RNGTT: variants seen among roughly 807,000 people sequenced by gnomAD.
RNGTT encodes the protein mRNA-capping enzyme.
In RNGTT, 33 loss-of-function variants were observed where a neutral mutation model predicts 79.3. The observed-to-expected ratio is 0.42, with a 90% confidence interval of 0.32 to 0.56. The LOEUF (loss-of-function observed/expected upper bound fraction) is 0.56, where lower values mean the gene tolerates loss of function less well. RNGTT is among the 20% of genes least tolerant of loss of function. RNGTT has a pLI of 0.17. For missense variants in RNGTT, 497 were observed against 739.1 expected (o/e 0.67, Z 3.80); for synonymous variants, 222 against 235.9 (o/e 0.94, Z 0.54).
At chr6:88,779,554 TTC>T (rs1378016645) in intron 12 of RNGTT, among the ~76,000 whole-genome samples, 4 of 152,208 alleles carry the variant, frequency 2.6e-5, no homozygotes, top group Non-Finnish European at 5.9e-5. Flanking sequence ...GTATCAACTC[TTC>T]TGTTTTTACA....
At chr6:88,791,634 G>A (rs1156869086) in intron 12 of RNGTT, among the ~76,000 whole-genome samples, 1 of 152,022 alleles carries the variant, frequency 6.6e-6, no homozygotes, top group East Asian at 1.9e-4. Context: ...CCGCCTCCTG[G>A]GTTAACGCCA....
At chr6:88,827,945 G>A (rs1202125854) in intron 11 of RNGTT, among the ~76,000 whole-genome samples, 1 of 152,146 alleles carries the variant, frequency 6.6e-6, no homozygotes, top group African/African-American at 2.4e-5. Context: ...TGGGGGAAGG[G>A]GCAGCTATAG....
chr6:88,858,842 C>A (rs760807939), intron 8 of RNGTT, among the ~76,000 whole-genome samples: 3 of 152,072 alleles, frequency 2.0e-5, no homozygotes, highest in Non-Finnish European at 4.4e-5. Flanking sequence ...TTGGAGTACA[C>A]AGACTAGTAG....
rs1022113977 is a variant in RNGTT at position 88,883,097 on chromosome 6, G to A, written c.896+7398C>T. On this transcript the variant is annotated intron_variant, in intron 8 of 15. Coordinates refer to ENST00000369485, the MANE Select transcript of RNGTT (RefSeq NM_003800.5). Reference sequence around the variant, plus strand: ...TTTCCTCCATAGAAAAGCAATATAAGAATAGCTAGTACCACTCAGGTACAG... The same window carrying A: ...TTTCCTCCATAGAAAAGCAATATAAAAATAGCTAGTACCACTCAGGTACAG... Among the ~76,000 whole-genome samples the A allele has an allele frequency of 1.1e-4, 15 of 133,066 alleles. No homozygotes were observed. The Admixed American group carries it at 1.2e-3, about 10-fold the overall frequency. 87.3% of individuals were successfully genotyped at this position (133,066 alleles called of 152,430 possible). A position where few individuals can be genotyped will look rare whatever the true frequency, so the allele number is the denominator to read the frequency against.
intron 11 of RNGTT, among the ~76,000 whole-genome samples, chr6:88,820,790 A>C (rs1030074120): frequency 2.6e-5 from 4 of 152,174 alleles, no homozygotes; most frequent in Admixed American, 2.0e-4. Context: ...ACAGAATTCC[A>C]ACGAAAGAAA....
chr6:88,822,822 T>C (rs1298949498), intron 11 of RNGTT, among the ~76,000 whole-genome samples: 1 of 152,218 alleles, frequency 6.6e-6, no homozygotes, highest in Non-Finnish European at 1.5e-5. Context: ...GATTTAATTT[T>C]TGACAAAGGT....
chr6:88,785,133 T>C (rs1272218690), intron 12 of RNGTT, among the ~76,000 whole-genome samples: 1 of 152,150 alleles, frequency 6.6e-6, no homozygotes, highest in Admixed American at 6.5e-5. Context: ...AAAAGAACTA[T>C]CCCTAATTCA....
At chr6:88,633,959 C>A (rs1303653540) in intron 14 of RNGTT, among the ~76,000 whole-genome samples, 1 of 152,100 alleles carries the variant, frequency 6.6e-6, no homozygotes, top group African/African-American at 2.4e-5. Flanking sequence ...ACCAAAATAG[C>A]TAAGGCATCC....
At chr6:88,926,708 T>G (rs1582138726) in intron 4 of RNGTT, among the ~76,000 whole-genome samples, 1 of 152,224 alleles carries the variant, frequency 6.6e-6, no homozygotes. Flanking sequence ...TTACTGGCTG[T>G]GTGAGTGACC....
intron 13 of RNGTT, among the ~76,000 whole-genome samples, chr6:88,723,229 T>C (rs1185882401): frequency 1.3e-5 from 2 of 152,232 alleles, no homozygotes; most frequent in Non-Finnish European, 2.9e-5. Flanking sequence ...ATCCTGACCC[T>C]ATATAGCCTA....
intron 6 of RNGTT, among the ~76,000 whole-genome samples, chr6:88,894,008 C>T (rs1455619584): frequency 6.6e-6 from 1 of 152,144 alleles, no homozygotes; most frequent in African/African-American, 2.4e-5. Context: ...TAAGCCAATT[C>T]TGGTTATTTC....
intron 13 of RNGTT, among the ~76,000 whole-genome samples, chr6:88,764,953 G>A (rs774533187): frequency 6.6e-6 from 1 of 152,094 alleles, no homozygotes; most frequent in Non-Finnish European, 1.5e-5. Flanking sequence ...AGCACTTTGG[G>A]AGGCCAAGGC....
chr6:88,790,741 T>C (rs1194032297), intron 12 of RNGTT, among the ~76,000 whole-genome samples: 1 of 152,212 alleles, frequency 6.6e-6, no homozygotes, highest in African/African-American at 2.4e-5. Flanking sequence ...ACTTAATTAT[T>C]AAAGCTGAGT....
Position 88,801,568 on chromosome 6 carries a change from G to A in RNGTT, c.1334C>T (p.Thr445Ile). ...HEMDGLIFQPTGKYKPGRCDD... is the reference protein window; with the variant it reads ...HEMDGLIFQPIGKYKPGRCDD... ...CACACAGACAAATGAACTTACTCCA[G>A]TAGGCTGAAAAATAAGTCCATCCAT... The change falls in exon 12 of 16, where the codon ACT (threonine) becomes ATT (isoleucine). Residue 445 changes from threonine (T) to isoleucine (I), a missense_variant. Transcript: ENST00000369485. 6.2e-7 allele frequency: 1 copy of A among 1,609,584 alleles called. No homozygotes were observed.
At chr6:88,644,939 G>A (rs1367441927) in intron 14 of RNGTT, among the ~76,000 whole-genome samples, 1 of 152,112 alleles carries the variant, frequency 6.6e-6, no homozygotes, top group African/African-American at 2.4e-5. Context: ...TTGAAAACTG[G>A]CACAAGACAG....
chr6:88,771,657 T>C (rs574138410), intron 12 of RNGTT, among the ~76,000 whole-genome samples: 1 of 152,152 alleles, frequency 6.6e-6, no homozygotes, highest in African/African-American at 2.4e-5. Context: ...CTTAACCAAA[T>C]TGAATTTTCT....
At chr6:88,810,524 CACAG>C (rs1235496130) in intron 11 of RNGTT, among the ~76,000 whole-genome samples, 2 of 152,082 alleles carry the variant, frequency 1.3e-5, no homozygotes, top group African/African-American at 4.8e-5. Context: ...GTCTGTCAGG[CACAG>C]TCTCCATGAA....
intron 14 of RNGTT, among the ~76,000 whole-genome samples, chr6:88,633,528 A>C (rs1380462647): frequency 6.6e-6 from 1 of 152,232 alleles, no homozygotes; most frequent in Non-Finnish European, 1.5e-5. Flanking sequence ...CATCTTGGAA[A>C]GATGGTATGT....
chr6:88,802,164 G>A (rs1157028834), intron 11 of RNGTT, among the ~76,000 whole-genome samples: 3 of 152,090 alleles, frequency 2.0e-5, no homozygotes, highest in Non-Finnish European at 4.4e-5. Flanking sequence ...AACTTGCTTG[G>A]GGGCAAGAAT....
Sources: gnomAD v4.1 joint callset for allele counts (sites outside exome capture counted in the v4.1 genomes callset) on GRCh38, gnomAD v4.1.1 for gene constraint, MANE v1.5 for transcripts, NCBI Gene and HGNC (gene_info 2026-07-23, HGNC 2026-07-21) for gene names.